The following SYT17 variants were observed in gnomAD, a reference collection of about 807,000 sequenced individuals.
SYT17 encodes the protein synaptotagmin 17.
SYT17 carries 22 observed loss-of-function variants against 46.7 expected under a neutral mutation model. The ratio of observed to expected loss-of-function variants is 0.47; its 90% CI spans 0.34 to 0.67. SYT17 has a LOEUF of 0.67. SYT17 is among the 30% of genes least tolerant of loss of function. The probability of loss-of-function intolerance (pLI) is 0.01; values close to 1 mark genes in which losing one functional copy is unlikely to be tolerated. For synonymous variants in SYT17, 251 were observed against 248.4 expected (o/e 1.01, Z -0.10); for missense variants, 519 against 612.8 (o/e 0.85, Z 1.62).
intron 5 of SYT17, among the ~76,000 whole-genome samples, chr16:19,198,261 G>A (rs1032434528): frequency 1.3e-5 from 2 of 152,132 alleles, no homozygotes; most frequent in African/African-American, 4.8e-5. Flanking sequence ...ACTGATCTCA[G>A]TAGTACTTAA....
chr16:19,247,477 T>A (rs1967665362), intron 7 of SYT17, among the ~76,000 whole-genome samples: 2 of 152,170 alleles, frequency 1.3e-5, no homozygotes, highest in Admixed American at 6.5e-5. Context: ...AACCCTCCTG[T>A]CCCGGCCTCC....
Position 19,202,116 on chromosome 16 carries a change from G to A in SYT17, c.951+17969G>A, listed in dbSNP as rs535048905. On this transcript the variant is annotated intron_variant, in intron 5 of 7. Coordinates refer to ENST00000355377, the MANE Select transcript of SYT17 (RefSeq NM_016524.4). The stretch of plus-strand genomic sequence containing the variant: ...TGGTGTCCTTCAATTCAATTCATAC[G>A]GACACTAAATGCCTGGAGTTAGTGC... Among the ~76,000 whole-genome samples the A allele has an allele frequency of 1.4e-4, 21 of 151,876 alleles. No homozygotes were observed. In the South Asian group the frequency reaches 2.3e-3, roughly 17 times the overall value.
At chr16:19,237,762 G>A (rs984670217) in intron 7 of SYT17, among the ~76,000 whole-genome samples, 4 of 152,072 alleles carry the variant, frequency 2.6e-5, no homozygotes, top group East Asian at 3.9e-4. Flanking sequence ...ATTCTTTCCC[G>A]GGCAAAGCCA....
intron 5 of SYT17, among the ~76,000 whole-genome samples, chr16:19,220,900 T>C (rs1238458074): frequency 6.6e-6 from 1 of 152,008 alleles, no homozygotes; most frequent in Non-Finnish European, 1.5e-5. Flanking sequence ...TGACGAAGAA[T>C]GAAGAACCTG....
intron 3 of SYT17, among the ~76,000 whole-genome samples, chr16:19,177,548 T>C (rs1964363681): frequency 6.6e-6 from 1 of 152,172 alleles, no homozygotes; most frequent in African/African-American, 2.4e-5. Context: ...GAAGTAGAAA[T>C]GTCAAGTGTA....
At chr16:19,261,074 C>T (rs1171049586) in intron 7 of SYT17, among the ~76,000 whole-genome samples, 4 of 152,048 alleles carry the variant, frequency 2.6e-5, no homozygotes, top group Non-Finnish European at 2.9e-5. Context: ...CTCCTGGGCT[C>T]AAGAGATCCT....
At chr16:19,216,415 G>A (rs1966098222) in intron 5 of SYT17, among the ~76,000 whole-genome samples, 1 of 151,194 alleles carries the variant, frequency 6.6e-6, no homozygotes, top group Non-Finnish European at 1.5e-5. Flanking sequence ...TAAGTTCTGG[G>A]GTACCTGTGC....
At chr16:19,223,903 T>C (rs1469704208) in intron 6 of SYT17, among the ~76,000 whole-genome samples, 1 of 152,174 alleles carries the variant, frequency 6.6e-6, no homozygotes, top group Non-Finnish European at 1.5e-5. Context: ...GTCAGTATGA[T>C]AAAATCATTA....
chr16:19,260,753 A>C (rs12921478), intron 7 of SYT17, among the ~76,000 whole-genome samples: 69,962 of 151,874 alleles, frequency 0.46, 16,760 homozygotes, highest in East Asian at 0.61. Context: ...CATTTAAAAG[A>C]GTCCCCCATA....
chr16:19,197,458 A>T (rs1451568486), intron 5 of SYT17, among the ~76,000 whole-genome samples: 9 of 139,784 alleles, frequency 6.4e-5, no homozygotes, highest in South Asian at 4.6e-4. Context: ...TATTATTATT[A>T]TTTTTTTTGA....
intron 7 of SYT17, among the ~76,000 whole-genome samples, chr16:19,237,859 G>C (rs962966385): frequency 3.9e-5 from 6 of 152,182 alleles, no homozygotes; most frequent in African/African-American, 1.4e-4. Context: ...CTGTTCTCCC[G>C]TGTCACCCCA....
chr16:19,226,839 C>T (rs1331099343), intron 7 of SYT17, among the ~76,000 whole-genome samples: 1 of 152,208 alleles, frequency 6.6e-6, no homozygotes, highest in African/African-American at 2.4e-5. Flanking sequence ...CCAGGGGAAA[C>T]TGAGAGCCCC....
chr16:19,173,131 C>A (rs991090485), intron 2 of SYT17: 8 of 532,666 alleles, frequency 1.5e-5, no homozygotes, highest in Non-Finnish European at 2.3e-5. Flanking sequence ...TATAAACCAC[C>A]CACATGTCAA....
chr16:19,198,104 A>G (rs1965323904), intron 5 of SYT17, among the ~76,000 whole-genome samples: 1 of 152,112 alleles, frequency 6.6e-6, no homozygotes. Context: ...CCCAGAGCCA[A>G]TTGTTAAGTT....
intron 3 of SYT17, among the ~76,000 whole-genome samples, chr16:19,178,869 T>TG (rs1371197879): frequency 2.6e-5 from 4 of 151,918 alleles, no homozygotes; most frequent in Admixed American, 6.6e-5. Flanking sequence ...TTATGAGTAT[T>TG]GGGGGGGATC....
At chr16:19,196,985 C>T (rs1256854222) in intron 5 of SYT17, among the ~76,000 whole-genome samples, 1 of 152,220 alleles carries the variant, frequency 6.6e-6, no homozygotes, top group African/African-American at 2.4e-5. Flanking sequence ...CAAAAACTGC[C>T]TGGTAAACAG....
intron 7 of SYT17, among the ~76,000 whole-genome samples, chr16:19,247,502 G>C (rs999199067): frequency 8.5e-5 from 13 of 152,098 alleles, no homozygotes; most frequent in African/African-American, 3.1e-4. Flanking sequence ...GTGCTGCTGG[G>C]ATTACAGGCA....
rs1308176855 is a variant in SYT17 at position 19,168,691 on chromosome 16, G to A, written c.15+30G>A. 5 of 1,489,820 alleles carry A rather than the reference G, an allele frequency of 3.4e-6. No individual in the cohort carries two copies. Among genetic ancestry groups the A allele is most frequent in the South Asian group, 1.3e-5 (1 of 77,476 alleles). The allele number at this position is 1,489,820 out of a possible 1,614,324, so 92.3% of individuals were successfully genotyped here. The stretch of plus-strand genomic sequence containing the variant: ...GGCTGAGGCTGGGGGCAAGGTCCGG[G>A]GTGCGGGTAGGGGGTGCCGCGCCCC... On this transcript the variant is annotated intron_variant, in intron 1 of 7. Coordinates refer to ENST00000355377, the MANE Select transcript of SYT17 (RefSeq NM_016524.4). This position sits in a 1 kb window ranked among gnomAD's most constrained non-coding sequence, Gnocchi z 6.9.
At position 19,172,741 on chromosome 16, in the gene SYT17, G is replaced by A. The variant is rs145447014; in HGVS notation, c.16-19G>A. 206 of 1,612,324 alleles carry A rather than the reference G, an allele frequency of 1.3e-4. No individual in the cohort carries two copies. The African/African-American group carries it at 2.0e-3, about 16-fold the overall frequency. ...GTTCCCTTACGCCCTTGGCTTCATC[G>A]TGGATCTTAAAAGGGCAGTTGGAAC... On this transcript the variant is annotated intron_variant, in intron 1 of 7. Coordinates refer to ENST00000355377, the MANE Select transcript of SYT17 (RefSeq NM_016524.4).
Sources: gnomAD v4.1 joint callset for allele counts (sites outside exome capture counted in the v4.1 genomes callset) on GRCh38, gnomAD v4.1.1 for gene constraint, Gnocchi (gnomAD v3.1) non-coding constraint, MANE v1.5 for transcripts, NCBI Gene and HGNC (gene_info 2026-07-23, HGNC 2026-07-21) for gene names.